SORCS2: variants seen among roughly 807,000 people sequenced by gnomAD.
SORCS2 encodes sortilin related VPS10 domain containing receptor 2.
SORCS2 carries 100 observed loss-of-function variants against 141.6 expected under a neutral mutation model. The ratio of observed to expected loss-of-function variants is 0.71; its 90% CI spans 0.60 to 0.83. The LOEUF (loss-of-function observed/expected upper bound fraction) is 0.83. Among genes scored for constraint, SORCS2 ranks in the 40% least tolerant of loss-of-function variants. SORCS2 has a pLI of 0.00. For synonymous variants in SORCS2, 789 were observed against 676.9 expected (o/e 1.17, Z -2.57); for missense variants, 1,646 against 1,560.2 (o/e 1.05, Z -0.93).
chr4:7,422,481 AGGG>A (rs997233355), intron 2 of SORCS2, among the ~76,000 whole-genome samples: 1 of 151,998 alleles, frequency 6.6e-6, no homozygotes, highest in African/African-American at 2.4e-5. Context: ...GCTGGTGTGT[AGGG>A]GCTGGGGTCT....
intron 3 of SORCS2, among the ~76,000 whole-genome samples, chr4:7,635,789 A>G (rs530402585): frequency 1.3e-5 from 2 of 152,190 alleles, no homozygotes; most frequent in Non-Finnish European, 2.9e-5. Flanking sequence ...TTCAGGGACA[A>G]AAGTCGTCCA....
At chr4:7,434,964 C>G in intron 2 of SORCS2, 1 of 1,442,522 alleles carries the variant, frequency 6.9e-7, no homozygotes, top group Non-Finnish European at 9.2e-7. Context: ...CCAGAGGAGG[C>G]ACGGAAGGGC....
In SORCS2 at chr4:7,699,223, G is replaced by C. The variant is rs77321807; in HGVS notation, c.1668+1949G>C. On this transcript the variant is annotated intron_variant, in intron 12 of 26. Coordinates refer to ENST00000507866, the MANE Select transcript of SORCS2 (RefSeq NM_020777.3). The stretch of plus-strand genomic sequence containing the variant: ...CCACCCGGCCCTGCTGCTTGCTCAA[G>C]GCGCAGGAAACCACAGGAATGGGCG... Among the ~76,000 whole-genome samples, 304 of 152,264 alleles carry C rather than the reference G, an allele frequency of 2.0e-3. 2 individuals are homozygous for C. Among genetic ancestry groups the C allele is most frequent in the African/African-American group, 7.0e-3 (291 of 41,552 alleles).
At chr4:7,537,050 G>A (rs1033572926) in intron 3 of SORCS2, among the ~76,000 whole-genome samples, 3 of 152,314 alleles carry the variant, frequency 2.0e-5, no homozygotes, top group East Asian at 1.9e-4. Flanking sequence ...AGGCACCCTT[G>A]CAGCTAAGTT....
chr4:7,555,731 G>A (rs1714058084), intron 3 of SORCS2, among the ~76,000 whole-genome samples: 2 of 152,240 alleles, frequency 1.3e-5, no homozygotes, highest in Non-Finnish European at 2.9e-5. Context: ...TGCTCTAGAA[G>A]GGGATCATGG....
chr4:7,369,505 C>A (rs887044498), intron 1 of SORCS2, among the ~76,000 whole-genome samples: 11 of 152,176 alleles, frequency 7.2e-5, no homozygotes, highest in Non-Finnish European at 1.5e-5. Flanking sequence ...GGCACAGAGC[C>A]GTATTTGCTA....
chr4:7,483,748 G>C (rs937274751), intron 2 of SORCS2, among the ~76,000 whole-genome samples: 2 of 152,042 alleles, frequency 1.3e-5, no homozygotes, highest in Admixed American at 6.5e-5. Context: ...GAGTCTCCAG[G>C]GGGTGGGGGG....
intron 20 of SORCS2, 86 bp from the exon 21 acceptor site, chr4:7,726,694 T>C: frequency 6.6e-7 from 1 of 1,522,368 alleles, no homozygotes; most frequent in Non-Finnish European, 8.9e-7. Context: ...AGCAATGCTC[T>C]CAGTGAGGCA....
At chr4:7,713,034 C>CT (rs952442301) in intron 15 of SORCS2, among the ~76,000 whole-genome samples, 181 bp downstream of exon 15, 2 of 152,096 alleles carry the variant, frequency 1.3e-5, no homozygotes, top group African/African-American at 4.8e-5. Flanking sequence ...CCAGACCCTT[C>CT]TCGGTCATGG....
chr4:7,682,398 G>A (rs188377252), intron 9 of SORCS2, among the ~76,000 whole-genome samples: 3 of 152,348 alleles, frequency 2.0e-5, no homozygotes, highest in Non-Finnish European at 4.4e-5. Flanking sequence ...TCTGAGGCAA[G>A]GATGGGGTGA....
intron 3 of SORCS2, among the ~76,000 whole-genome samples, chr4:7,591,818 G>A (rs775916406): frequency 6.6e-6 from 1 of 152,160 alleles, no homozygotes; most frequent in Non-Finnish European, 1.5e-5. Context: ...CCCGCCGCAC[G>A]GATGGATGGG....
chr4:7,480,702 G>A (rs1730577028), intron 2 of SORCS2, among the ~76,000 whole-genome samples: 1 of 152,226 alleles, frequency 6.6e-6, no homozygotes, highest in African/African-American at 2.4e-5. Flanking sequence ...CGGTGGTTGT[G>A]AGTCCACCTG....
At chr4:7,264,330 G>A (rs1714571188) in intron 1 of SORCS2, among the ~76,000 whole-genome samples, 1 of 152,234 alleles carries the variant, frequency 6.6e-6, no homozygotes, top group African/African-American at 2.4e-5. Context: ...TGTGCAGTGA[G>A]GGGTTGGATG....
intron 1 of SORCS2, among the ~76,000 whole-genome samples, chr4:7,239,367 G>A (rs554320410): frequency 1.2e-4 from 19 of 152,366 alleles, no homozygotes; most frequent in Admixed American, 3.9e-4. Flanking sequence ...CAGCTCCCCT[G>A]CTGGTCTCTA....
chr4:7,572,500 C>T (rs1234481970), intron 3 of SORCS2, among the ~76,000 whole-genome samples: 1 of 152,164 alleles, frequency 6.6e-6, no homozygotes, highest in African/African-American at 2.4e-5. Flanking sequence ...ATATTCAACA[C>T]TGTCTTGTTT....
At position 7,662,473 on chromosome 4, in the gene SORCS2, T is replaced by A. The variant is rs569063246; in HGVS notation, c.952+909T>A. Among the ~76,000 whole-genome samples, 6 of 152,208 alleles carry A rather than the reference T, an allele frequency of 3.9e-5. No individual in the cohort carries two copies. The South Asian group carries it at 6.2e-4, about 16-fold the overall frequency. ...GCTCCACCATCCCAGCTCTGCACTC[T>A]CCAGGGCCTGCAACTCCTTGAGTAC... On this transcript the variant is annotated intron_variant, in intron 6 of 26. Coordinates refer to ENST00000507866, the MANE Select transcript of SORCS2 (RefSeq NM_020777.3).
chr4:7,726,779 G>T lies in SORCS2; in HGVS notation c.2746-1G>T. 6.2e-7 allele frequency: 1 copy of T among 1,613,244 alleles called. No individual in the cohort carries two copies. The highest frequency in any genetic ancestry group is 8.5e-7 in the Non-Finnish European group (1 of 1,179,636). On this transcript the variant is annotated splice_acceptor_variant, in intron 20 of 26. Transcript: ENST00000507866. LOFTEE classifies it high-confidence loss of function. The stretch of plus-strand genomic sequence containing the variant: ...CCCTAAGCCCTGCTGTGCCCCTGCA[G>T]CCCCTCCTTTCCCTGGATAATTCTG...
intron 1 of SORCS2, among the ~76,000 whole-genome samples, chr4:7,292,498 G>A (rs1330361893): frequency 2.6e-5 from 4 of 152,210 alleles, no homozygotes; most frequent in African/African-American, 9.7e-5. Context: ...GGGGACCTGG[G>A]CTTGGCCTGG....
At chr4:7,266,011 C>G (rs1418917962) in intron 1 of SORCS2, among the ~76,000 whole-genome samples, 1 of 152,208 alleles carries the variant, frequency 6.6e-6, no homozygotes, top group Admixed American at 6.5e-5. Context: ...GTCATCCTAC[C>G]TGTCTCCCTG....
Sources: allele counts gnomAD v4.1 joint callset (sites outside exome capture counted in the v4.1 genomes callset), GRCh38; gene constraint gnomAD v4.1.1; transcripts MANE v1.5; gene names NCBI Gene and HGNC (gene_info 2026-07-23, HGNC 2026-07-21).